BRINP1: variants seen among roughly 807,000 people sequenced by gnomAD.
BRINP1 encodes BMP/retinoic acid inducible neural specific 1.
Under a neutral mutation model 72.9 loss-of-function variants are expected in BRINP1, and 17 were observed. The ratio of observed to expected loss-of-function variants is 0.23; its 90% confidence interval spans 0.16 to 0.35. The LOEUF (loss-of-function observed/expected upper bound fraction) is 0.35, where lower values mean the gene tolerates loss of function less well. Among genes scored for constraint, BRINP1 ranks in the 10% least tolerant of loss-of-function variants. The pLI is 1.00. For missense variants in BRINP1, 850 were observed against 1,001.6 expected, an observed-to-expected ratio of 0.85 and a Z score of 2.04; for synonymous variants, 418 against 378.5, an observed-to-expected ratio of 1.10 and a Z score of -1.21.
At chr9:119,194,989 A>G (rs1829721216) in intron 7 of BRINP1, among the ~76,000 whole-genome samples, 1 of 152,194 alleles carries the variant, frequency 6.6e-6, no homozygotes, top group South Asian at 2.1e-4. Context: ...GTTTCATTTT[A>G]CTCCTTAAGA....
At chr9:119,177,465 C>T (rs557901687) in intron 7 of BRINP1, among the ~76,000 whole-genome samples, 2 of 152,300 alleles carry the variant, frequency 1.3e-5, no homozygotes, top group East Asian at 1.9e-4. Context: ...TTCCATCTGA[C>T]GAGAGCGTCA....
chr9:119,269,617 T>A (rs1830587425), intron 2 of BRINP1, among the ~76,000 whole-genome samples: 1 of 152,192 alleles, frequency 6.6e-6, no homozygotes, highest in Non-Finnish European at 1.5e-5. Context: ...GGCTGCCTTA[T>A]GTGGTAGAGA....
At chr9:119,318,844 GGTGTGTGTGTGTGTGTGTGTGT>G (rs56756136) in intron 1 of BRINP1, among the ~76,000 whole-genome samples, 16 of 142,146 alleles carry the variant, frequency 1.1e-4, no homozygotes, top group East Asian at 4.1e-4. Context: ...AAATGTGTGG[GGTGTGTGTGTGTGTGTGTGTGT>G]GTGTGTGTGT....
chr9:119,267,702 G>A (rs1036960230), intron 2 of BRINP1, among the ~76,000 whole-genome samples: 4 of 151,994 alleles, frequency 2.6e-5, no homozygotes, highest in African/African-American at 9.7e-5. Context: ...TGGGGACATA[G>A]GTCTGGAGTT....
chr9:119,292,633 G>C (rs1422499280), intron 2 of BRINP1, among the ~76,000 whole-genome samples: 1 of 152,172 alleles, frequency 6.6e-6, no homozygotes, highest in Non-Finnish European at 1.5e-5. Context: ...CAGAGACTAT[G>C]AAAGTCCAAC....
At chr9:119,252,078 T>G (rs574493593) in intron 2 of BRINP1, among the ~76,000 whole-genome samples, 4 of 152,296 alleles carry the variant, frequency 2.6e-5, no homozygotes, top group African/African-American at 9.6e-5. Flanking sequence ...TCTGTCTCTG[T>G]GTCCATCTTT....
At chr9:119,263,736 T>C (rs1348420169) in intron 2 of BRINP1, among the ~76,000 whole-genome samples, 1 of 146,126 alleles carries the variant, frequency 6.8e-6, no homozygotes, top group East Asian at 2.2e-4. Flanking sequence ...GCCTCCCAAG[T>C]AGCTGGGACT....
At chr9:119,194,681 C>T (rs2118854584) in intron 7 of BRINP1, among the ~76,000 whole-genome samples, 1 of 152,334 alleles carries the variant, frequency 6.6e-6, no homozygotes, top group East Asian at 1.9e-4. Context: ...CATAGAATCC[C>T]TAGCAACAAA....
At chr9:119,310,252 G>A (rs1831047659) in intron 2 of BRINP1, among the ~76,000 whole-genome samples, 1 of 152,132 alleles carries the variant, frequency 6.6e-6, no homozygotes, top group African/African-American at 2.4e-5. Context: ...CTGACTCCGA[G>A]GTCAAAAGTT....
At chr9:119,351,353 C>G (rs1831506192) in intron 1 of BRINP1, among the ~76,000 whole-genome samples, 1 of 152,052 alleles carries the variant, frequency 6.6e-6, no homozygotes, top group African/African-American at 2.4e-5. Flanking sequence ...AGGTTCTTCC[C>G]ATATCTATCA....
intron 2 of BRINP1, among the ~76,000 whole-genome samples, chr9:119,287,823 CT>C (rs1830779065): frequency 6.6e-6 from 1 of 151,996 alleles, no homozygotes; most frequent in Non-Finnish European, 1.5e-5. Flanking sequence ...TTGAAATATC[CT>C]TTTCTGAAAA....
intron 2 of BRINP1, among the ~76,000 whole-genome samples, chr9:119,271,209 G>A (rs1330847818): frequency 6.6e-6 from 1 of 151,948 alleles, no homozygotes. Flanking sequence ...ATGGAAACAT[G>A]AGGTATAAGA....
intron 1 of BRINP1, among the ~76,000 whole-genome samples, chr9:119,365,130 TAG>T (rs1344044313): frequency 6.6e-6 from 1 of 152,126 alleles, no homozygotes; most frequent in Non-Finnish European, 1.5e-5. Flanking sequence ...CAAACTAAAA[TAG>T]AGTTTCAGAT....
chr9:119,222,935 C>G (rs1830055614), intron 5 of BRINP1, among the ~76,000 whole-genome samples: 1 of 152,038 alleles, frequency 6.6e-6, no homozygotes, highest in Admixed American at 6.6e-5. Context: ...AGTCATGATA[C>G]AAACCAAATT....
chr9:119,279,391 G>T (rs1469923435), intron 2 of BRINP1, among the ~76,000 whole-genome samples: 1 of 152,198 alleles, frequency 6.6e-6, no homozygotes, highest in Non-Finnish European at 1.5e-5. Flanking sequence ...GGTGTCTCCA[G>T]ATCATCCTGT....
rs542301181 is a variant in BRINP1, at chr9:119,235,632, G to A, written c.685+3023C>T. 2.0e-5 allele frequency among the ~76,000 whole-genome samples: 3 copies of A among 151,978 alleles called. 1 individual carries two copies. Among genetic ancestry groups the A allele is most frequent in the Non-Finnish European group, 4.4e-5 (3 of 67,992 alleles). On this transcript the variant is annotated intron_variant, in intron 5 of 7. Coordinates refer to ENST00000265922, the MANE Select transcript of BRINP1 (RefSeq NM_014618.3). The stretch of plus-strand genomic sequence containing the variant: ...TTGGGGCAGAAACAATGTCTGTCTT[G>A]TTCACGACTTTATTTTTTTTGTCTA...
At chr9:119,175,026 G>A (rs554694406) in intron 7 of BRINP1, among the ~76,000 whole-genome samples, 1 of 148,792 alleles carries the variant, frequency 6.7e-6, no homozygotes, top group South Asian at 2.1e-4. Context: ...TAGATGACGA[G>A]TTAGTGGGTG....
At chr9:119,328,019 A>G (rs1192016369) in intron 1 of BRINP1, among the ~76,000 whole-genome samples, 1 of 152,336 alleles carries the variant, frequency 6.6e-6, no homozygotes, top group East Asian at 1.9e-4. Flanking sequence ...CAGTAAACTC[A>G]TGAGTCAAGA....
intron 7 of BRINP1, among the ~76,000 whole-genome samples, chr9:119,200,822 G>A (rs1829798139): frequency 1.3e-5 from 2 of 151,764 alleles, no homozygotes; most frequent in Admixed American, 1.3e-4. Flanking sequence ...TGAAGGGCAG[G>A]TAGAAGCTAC....
Sources: allele counts gnomAD v4.1 joint callset (sites outside exome capture counted in the v4.1 genomes callset), GRCh38; gene constraint gnomAD v4.1.1; transcripts MANE v1.5; gene names NCBI Gene and HGNC (gene_info 2026-07-23, HGNC 2026-07-21).